Variants in MS4A4E observed in about 807,000 individuals in gnomAD.
MS4A4E encodes putative membrane-spanning 4-domains subfamily A member 4E.
MS4A4E carries 23 observed loss-of-function variants against 13.3 expected under a neutral mutation model. The ratio of observed to expected loss-of-function variants is 1.73; its 90% CI spans 1.25 to 2.45. The LOEUF (loss-of-function observed/expected upper bound fraction) is 2.45. Ranked by LOEUF, MS4A4E falls within the 30% of genes most tolerant of loss-of-function variation. The pLI is 0.00. For missense variants in MS4A4E, 144 were observed against 131.2 expected (o/e 1.10, Z -0.48); for synonymous variants, 36 against 45.6 (o/e 0.79, Z 0.85).
At chr11:60,230,180 T>C in intron 1 of MS4A4E, 109 bp from the exon 2 acceptor site, 1 of 1,209,632 alleles carries the variant, frequency 8.3e-7, no homozygotes, top group African/African-American at 1.6e-5. Context: ...TACATTCCCC[T>C]CCAATATTAT....
intron 1 of MS4A4E, among the ~76,000 whole-genome samples, chr11:60,234,669 A>G (rs1392103356): frequency 6.6e-6 from 1 of 152,136 alleles, no homozygotes; most frequent in Non-Finnish European, 1.5e-5. Context: ...GTAGAACTGC[A>G]GCAGATACAT....
chr11:60,238,870 AG>A (rs532748195), intron 1 of MS4A4E, among the ~76,000 whole-genome samples: 36 of 152,350 alleles, frequency 2.4e-4, no homozygotes, highest in Non-Finnish European at 4.9e-4. Context: ...CTAAAACATA[AG>A]GAGGATTCCT....
chr11:60,212,970 T>C lies in MS4A4E; in HGVS notation c.381+4A>G, dbSNP rs372758649. The C allele has an allele frequency of 1.1e-5, 3 of 276,970 alleles. No individual in the cohort carries two copies. Among genetic ancestry groups the C allele is most frequent in the African/African-American group, 2.2e-5 (1 of 45,614 alleles). 17.2% of individuals were successfully genotyped at this position (276,970 alleles called of 1,614,324 possible). ...AATATCTCATGAAAAGAGAAAACAC[T>C]CACCATTAAAATGGACATAGTCATG... On this transcript the variant is annotated splice_donor_region_variant and intron_variant, in intron 5 of 8. Coordinates refer to ENST00000651255, the MANE Select transcript of MS4A4E (RefSeq NM_001393391.1).
At position 60,208,581 on chromosome 11, in the gene MS4A4E, G is replaced by T; in HGVS notation, c.483+12C>A. 3 of 1,004,992 alleles carry T rather than the reference G, an allele frequency of 3.0e-6. No individual in the cohort carries two copies. The highest frequency in any genetic ancestry group is 1.5e-5 in the South Asian group (1 of 66,114). 62.3% of individuals were successfully genotyped at this position (1,004,992 alleles called of 1,614,324 possible). On this transcript the variant is annotated intron_variant, in intron 6 of 8. Coordinates refer to ENST00000651255, the MANE Select transcript of MS4A4E (RefSeq NM_001393391.1). ...GTAATACAGATACCTTCAAATGAAG[G>T]CCAATACTGACCTCACTGGGGCTAC...
chr11:60,202,717 G>T (rs920036336), intron 8 of MS4A4E, among the ~76,000 whole-genome samples: 7 of 152,116 alleles, frequency 4.6e-5, no homozygotes, highest in Admixed American at 4.6e-4. Context: ...CTGACTCCAG[G>T]TGCCTGTTCT....
At chr11:60,241,703 A>G (rs2084554056) in intron 1 of MS4A4E, among the ~76,000 whole-genome samples, 1 of 152,212 alleles carries the variant, frequency 6.6e-6, no homozygotes, top group African/African-American at 2.4e-5. Context: ...TGTGTTTACA[A>G]GACTCCACTT....
At chr11:60,236,789 T>C (rs1283981294) in intron 1 of MS4A4E, among the ~76,000 whole-genome samples, 2 of 151,670 alleles carry the variant, frequency 1.3e-5, no homozygotes. Context: ...CAGGCTGGAG[T>C]GCAGTGGTGT....
chr11:60,230,285 A>T (rs2084392291), intron 1 of MS4A4E, among the ~76,000 whole-genome samples: 1 of 152,186 alleles, frequency 6.6e-6, no homozygotes, highest in Non-Finnish European at 1.5e-5. Flanking sequence ...TGATATCAAT[A>T]ATATGCTAGG....
At chr11:60,218,220 G>T (rs927611298) in intron 3 of MS4A4E, among the ~76,000 whole-genome samples, 3 of 152,160 alleles carry the variant, frequency 2.0e-5, no homozygotes, top group African/African-American at 7.2e-5. Flanking sequence ...GGTCAGACCA[G>T]TTGCTCTCAA....
At chr11:60,205,336 A>C (rs1292521872) in intron 7 of MS4A4E, among the ~76,000 whole-genome samples, 1 of 152,210 alleles carries the variant, frequency 6.6e-6, no homozygotes, top group Admixed American at 6.5e-5. Context: ...GAAGGATATT[A>C]TCTCTCTTAT....
At chr11:60,234,396 G>T (rs2084453671) in intron 1 of MS4A4E, among the ~76,000 whole-genome samples, 1 of 152,146 alleles carries the variant, frequency 6.6e-6, no homozygotes, top group Non-Finnish European at 1.5e-5. Flanking sequence ...AAACTTAATT[G>T]CCATTGTAAC....
At chr11:60,216,544 A>T (rs2084196544) in intron 3 of MS4A4E, among the ~76,000 whole-genome samples, 1 of 151,996 alleles carries the variant, frequency 6.6e-6, no homozygotes, top group Non-Finnish European at 1.5e-5. Flanking sequence ...CACTTAGCAG[A>T]ATGTCCAGAT....
At chr11:60,242,785 T>A (rs1016205664) in intron 1 of MS4A4E, among the ~76,000 whole-genome samples, 173 bp downstream of exon 1, 1 of 151,728 alleles carries the variant, frequency 6.6e-6, no homozygotes, top group African/African-American at 2.4e-5. Context: ...CCCACAACCC[T>A]CACCAAATGC....
At chr11:60,220,304 ATGTGGTTTCAT>A (rs566213723) in intron 3 of MS4A4E, among the ~76,000 whole-genome samples, 4 of 152,200 alleles carry the variant, frequency 2.6e-5, no homozygotes, top group Non-Finnish European at 5.9e-5. Flanking sequence ...GCTGTACCAG[ATGTGGTTTCAT>A]TGCTTGAGCA....
intron 6 of MS4A4E, among the ~76,000 whole-genome samples, chr11:60,206,516 C>CAT (rs2084050976): frequency 1.6e-5 from 1 of 63,750 alleles, no homozygotes; most frequent in Non-Finnish European, 3.4e-5. Flanking sequence ...TATATATACA[C>CAT]ACACACACAC....
intron 3 of MS4A4E, among the ~76,000 whole-genome samples, chr11:60,216,120 G>A (rs755221338): frequency 1.3e-4 from 20 of 151,934 alleles, no homozygotes; most frequent in African/African-American, 2.2e-4. Context: ...GGTGATGTTC[G>A]GAAAAAAAGG....
chr11:60,208,636 AGG>A lies in MS4A4E; in HGVS notation c.438_439del (p.Ser148CysfsTer5). The A allele has an allele frequency of 6.7e-7, 1 of 1,483,322 alleles. No individual in the cohort carries two copies. The highest frequency in any genetic ancestry group is 9.4e-7 in the Non-Finnish European group (1 of 1,068,068). 91.9% of individuals were successfully genotyped at this position (1,483,322 alleles called of 1,614,324 possible). ...AAGCACTTTACATCCAAAGGCAGAG[AGG>A]GCCACAGCAATGCAGAATTCCAGCA... On this transcript the variant is annotated frameshift_variant, in exon 6 of 9. Coordinates refer to ENST00000651255, the MANE Select transcript of MS4A4E (RefSeq NM_001393391.1). LOFTEE classifies it high-confidence loss of function.
chr11:60,221,743 T>C (rs998227182), intron 3 of MS4A4E, among the ~76,000 whole-genome samples: 7 of 152,172 alleles, frequency 4.6e-5, no homozygotes, highest in African/African-American at 1.7e-4. Context: ...ATAGGAAAAT[T>C]GGTGACAAAT....
At chr11:60,241,738 T>C (rs1292014583) in intron 1 of MS4A4E, among the ~76,000 whole-genome samples, 1 of 152,150 alleles carries the variant, frequency 6.6e-6, no homozygotes, top group African/African-American at 2.4e-5. Context: ...TATATATTTT[T>C]TAACTGCAGA....
Sources: allele counts gnomAD v4.1 joint callset (sites outside exome capture counted in the v4.1 genomes callset), GRCh38; gene constraint gnomAD v4.1.1; transcripts MANE v1.5; gene names NCBI Gene and HGNC (gene_info 2026-07-23, HGNC 2026-07-21).